Variants in EPHA6 observed in about 807,000 individuals in gnomAD.
The protein encoded by EPHA6 is ephrin type-A receptor 6.
A neutral mutation model predicts 112.0 loss-of-function variants in EPHA6; 50 were observed. The ratio of observed to expected loss-of-function variants is 0.45; its 90% CI spans 0.36 to 0.56. The LOEUF (loss-of-function observed/expected upper bound fraction) is 0.56. Among genes scored for constraint, EPHA6 ranks in the 20% least tolerant of loss-of-function variants. The pLI, the probability that EPHA6 is intolerant of heterozygous loss-of-function variation, is 0.00. For missense variants in EPHA6, 1,280 were observed against 1,417.4 expected (o/e 0.90, Z 1.56); for synonymous variants, 529 against 490.7 (o/e 1.08, Z -1.03).
At chr3:97,112,472 G>C (rs1576508666) in intron 3 of EPHA6, among the ~76,000 whole-genome samples, 2 of 152,048 alleles carry the variant, frequency 1.3e-5, no homozygotes, top group African/African-American at 4.8e-5. Context: ...ATTAGAGAGG[G>C]GAAGAAAAGC....
At chr3:96,989,609 G>A (rs1408527380) in intron 3 of EPHA6, among the ~76,000 whole-genome samples, 1 of 152,044 alleles carries the variant, frequency 6.6e-6, no homozygotes, top group Non-Finnish European at 1.5e-5. Flanking sequence ...AGTTTTAAAT[G>A]GCTCACACTT....
At chr3:96,925,554 G>A (rs777694416) in intron 2 of EPHA6, among the ~76,000 whole-genome samples, 1 of 149,600 alleles carries the variant, frequency 6.7e-6, no homozygotes, top group Non-Finnish European at 1.5e-5. Flanking sequence ...TCTAGCTGGT[G>A]GTCATTCAAT....
At chr3:97,004,224 C>G (rs2043790612) in intron 3 of EPHA6, among the ~76,000 whole-genome samples, 1 of 152,144 alleles carries the variant, frequency 6.6e-6, no homozygotes, top group Admixed American at 6.6e-5. Context: ...CACTATATGT[C>G]TTCCATAATG....
chr3:97,233,476 G>A (rs1019748918), intron 4 of EPHA6, among the ~76,000 whole-genome samples: 2 of 152,044 alleles, frequency 1.3e-5, no homozygotes, highest in African/African-American at 4.8e-5. Context: ...TAGAACTTTT[G>A]GGGCCAGGAA....
intron 2 of EPHA6, among the ~76,000 whole-genome samples, chr3:96,876,319 T>C (rs75787902): frequency 0.012 from 1,795 of 151,886 alleles, 31 homozygotes; most frequent in African/African-American, 0.042. Flanking sequence ...CAAATCCTAT[T>C]GATTCAACCT....
chr3:96,950,255 C>G (rs934420708), intron 2 of EPHA6, among the ~76,000 whole-genome samples: 2 of 152,108 alleles, frequency 1.3e-5, no homozygotes, highest in Non-Finnish European at 2.9e-5. Context: ...TAGAGGTTCT[C>G]TCATTCTCTA....
intron 14 of EPHA6, among the ~76,000 whole-genome samples, chr3:97,683,309 T>C (rs1177641405): frequency 6.6e-6 from 1 of 152,182 alleles, no homozygotes; most frequent in Non-Finnish European, 1.5e-5. Context: ...TGTAGTTGTC[T>C]GCCTTATATC....
chr3:97,282,633 A>T (rs956648556), intron 5 of EPHA6, among the ~76,000 whole-genome samples: 15 of 152,224 alleles, frequency 9.9e-5, no homozygotes, highest in African/African-American at 3.1e-4. Flanking sequence ...TGGTCCATAT[A>T]CACCATGGAA....
chr3:97,071,076 G>A (rs1378529849), intron 3 of EPHA6, among the ~76,000 whole-genome samples: 2 of 151,926 alleles, frequency 1.3e-5, no homozygotes, highest in East Asian at 3.9e-4. Flanking sequence ...TAGATCCTTT[G>A]TTTGTCAGTA....
intron 3 of EPHA6, among the ~76,000 whole-genome samples, chr3:97,124,715 T>C (rs2048137343): frequency 6.6e-6 from 1 of 152,074 alleles, no homozygotes; most frequent in East Asian, 1.9e-4. Flanking sequence ...CTTCTAGATA[T>C]AGAAAAATGC....
Position 97,367,126 on chromosome 3 carries a change from A to T in EPHA6, c.1607-38024A>T. Reference sequence around the variant, plus strand: ...TCTTACTCCAGGACCCATGTTCTTAAGCTGTCAGCGATTTTGTGAGGATAC... The same window carrying T: ...TCTTACTCCAGGACCCATGTTCTTATGCTGTCAGCGATTTTGTGAGGATAC... On this transcript the variant is annotated intron_variant, in intron 5 of 17. Coordinates refer to ENST00000389672, the MANE Select transcript of EPHA6 (RefSeq NM_001080448.3). Among the ~76,000 whole-genome samples the T allele has an allele frequency of 1.3e-5, 2 of 152,208 alleles. 1 individual carries two copies. Among genetic ancestry groups the T allele is most frequent in the East Asian group, 3.8e-4 (2 of 5,196 alleles).
At chr3:97,071,337 C>T (rs1358615801) in intron 3 of EPHA6, among the ~76,000 whole-genome samples, 1 of 151,908 alleles carries the variant, frequency 6.6e-6, no homozygotes, top group Non-Finnish European at 1.5e-5. Flanking sequence ...TGTTGAAGTC[C>T]TAATTCTTTT....
At chr3:97,481,227 C>G in intron 9 of EPHA6, 1 of 1,340,710 alleles carries the variant, frequency 7.5e-7, no homozygotes, top group East Asian at 2.3e-5. Flanking sequence ...TTCTCCATTA[C>G]TATTTGGACT....
intron 1 of EPHA6, among the ~76,000 whole-genome samples, chr3:96,848,612 G>T (rs1416792306): frequency 1.3e-5 from 2 of 151,890 alleles, no homozygotes; most frequent in African/African-American, 4.8e-5. Context: ...GTCACAGAGT[G>T]AGACTCCGTC....
intron 5 of EPHA6, among the ~76,000 whole-genome samples, chr3:97,260,082 T>C (rs1293002022): frequency 2.6e-5 from 4 of 152,238 alleles, no homozygotes; most frequent in African/African-American, 9.6e-5. Context: ...ATTACAGGCA[T>C]GAGCCACCGT....
intron 14 of EPHA6, among the ~76,000 whole-genome samples, chr3:97,708,248 G>A (rs2033785806): frequency 1.3e-5 from 2 of 152,222 alleles, no homozygotes; most frequent in African/African-American, 4.8e-5. Flanking sequence ...AGATGGAGAT[G>A]AGGAACTTAT....
chr3:97,412,342 G>A (rs1197185754), intron 6 of EPHA6, among the ~76,000 whole-genome samples: 1 of 152,012 alleles, frequency 6.6e-6, no homozygotes, highest in Non-Finnish European at 1.5e-5. Flanking sequence ...TCAGGCCCAA[G>A]TTACACCTTT....
At chr3:96,885,704 T>A (rs369153828) in intron 2 of EPHA6, among the ~76,000 whole-genome samples, 1 of 152,150 alleles carries the variant, frequency 6.6e-6, no homozygotes, top group Non-Finnish European at 1.5e-5. Context: ...TTTTGTAATT[T>A]TTTTAATTTC....
At chr3:97,426,036 A>C (rs1394822854) in intron 6 of EPHA6, among the ~76,000 whole-genome samples, 2 of 152,160 alleles carry the variant, frequency 1.3e-5, no homozygotes, top group Non-Finnish European at 2.9e-5. Context: ...GGAAGTTCCA[A>C]ACTTTCCCAA....
Sources: gnomAD v4.1 joint callset for allele counts (sites outside exome capture counted in the v4.1 genomes callset) on GRCh38, gnomAD v4.1.1 for gene constraint, MANE v1.5 for transcripts, NCBI Gene and HGNC (gene_info 2026-07-23, HGNC 2026-07-21) for gene names.